GTPBP4: variants seen among roughly 807,000 people sequenced by gnomAD.
GTPBP4 encodes the protein GTP binding protein 4, also known as GTP-binding protein 4.
GTPBP4 carries 15 observed loss-of-function variants against 81.7 expected under a neutral mutation model. The observed-to-expected ratio is 0.18, with a 90% CI of 0.12 to 0.28. The LOEUF is 0.28. GTPBP4 is among the 10% of genes least tolerant of loss of function. GTPBP4 has a pLI of 1.00. For synonymous variants in GTPBP4, 272 were observed against 274.6 expected (o/e 0.99, Z 0.09); for missense variants, 847 against 793.8 (o/e 1.07, Z -0.81).
chr10:1,006,684 TA>T (rs1564469137), intron 9 of GTPBP4, among the ~76,000 whole-genome samples: 1 of 151,616 alleles, frequency 6.6e-6, no homozygotes, highest in Non-Finnish European at 1.5e-5. Flanking sequence ...ACTCAGGATT[TA>T]AAAAGATGGC....
At chr10:988,850 G>T (rs1186450425) in intron 1 of GTPBP4, 4 of 294,138 alleles carry the variant, frequency 1.4e-5, no homozygotes, top group African/African-American at 2.2e-5. Context: ...GGCGAGTGGA[G>T]GGGGACCCCG....
chr10:1,012,131 G>C (rs1831889270), intron 13 of GTPBP4, among the ~76,000 whole-genome samples: 1 of 152,248 alleles, frequency 6.6e-6, no homozygotes, highest in South Asian at 2.1e-4. Flanking sequence ...TCTCAGGACT[G>C]AGTTCCTTGT....
chr10:1,009,088 T>C lies in GTPBP4; in HGVS notation c.1191+53T>C. ...TTCTCATGGGGGGAGGCAGGCTGTG[T>C]GTGCCCATCGTGGGGGCCTGGGGCA... is the stretch of plus-strand genomic sequence containing the variant. On this transcript the variant is annotated intron_variant, in intron 11 of 16. Coordinates refer to ENST00000360803, the MANE Select transcript of GTPBP4 (RefSeq NM_012341.3). 24 of 1,364,940 alleles carry C rather than the reference T, an allele frequency of 1.8e-5. No homozygotes were observed. In the South Asian group the frequency reaches 2.6e-4, roughly 15 times the overall value. 84.6% of individuals were successfully genotyped at this position (1,364,940 alleles called of 1,614,324 possible). A position where few individuals can be genotyped will look rare whatever the true frequency, so the allele number is the denominator to read the frequency against.
chr10:1,006,673 C>T (rs1309937138), intron 9 of GTPBP4, among the ~76,000 whole-genome samples: 1 of 151,680 alleles, frequency 6.6e-6, no homozygotes, highest in African/African-American at 2.4e-5. Context: ...GCCATGGTCG[C>T]ACTCAGGATT....
intron 10 of GTPBP4, among the ~76,000 whole-genome samples, chr10:1,008,671 C>A (rs1831795484): frequency 1.3e-5 from 2 of 152,144 alleles, no homozygotes; most frequent in African/African-American, 4.8e-5. Context: ...ATCATGATTT[C>A]TGTTTTTCCT....
chr10:999,951 C>T (rs958489381), intron 6 of GTPBP4, among the ~76,000 whole-genome samples: 2 of 152,174 alleles, frequency 1.3e-5, no homozygotes, highest in African/African-American at 4.8e-5. Context: ...AGGAGCGAAA[C>T]TCTGTCTCAA....
intron 9 of GTPBP4, 100 bp from the exon 10 acceptor site, chr10:1,006,918 A>T (rs1831748459): frequency 1.3e-6 from 1 of 745,908 alleles, no homozygotes; most frequent in African/African-American, 1.7e-5. Flanking sequence ...CCTTGAGGGA[A>T]AAGGCTCAGT....
chr10:1,007,120 G>C lies in GTPBP4; in HGVS notation c.1105G>C (p.Asp369His). The C allele has an allele frequency of 6.4e-7, 1 of 1,571,250 alleles. No individual in the cohort carries two copies. Among genetic ancestry groups the C allele is most frequent in the Non-Finnish European group, 8.8e-7 (1 of 1,140,712 alleles). ...GCACCTGGCTATCCCAACCAGGAGG[G>C]ACGATAAGGTAAGACGGCCCCTGGG... ...RLHLAIPTRR[D>H]DKERPPFIPE... Residue 369 changes from aspartate (D) to histidine (H), a missense_variant, in exon 10 of 17, where the codon GAC (aspartate) becomes CAC (histidine). This residue lies in a region of GTPBP4 where 600 missense variants were observed against 557.1 expected (regional missense o/e 1.08). Transcript: ENST00000360803.
intron 1 of GTPBP4, among the ~76,000 whole-genome samples, chr10:991,465 T>C (rs998831204): frequency 6.6e-6 from 1 of 152,196 alleles, no homozygotes. Flanking sequence ...TCTCCTCAAA[T>C]AGTTCCCTTC....
At chr10:990,207 T>G (rs1388867886) in intron 1 of GTPBP4, among the ~76,000 whole-genome samples, 1 of 152,134 alleles carries the variant, frequency 6.6e-6, no homozygotes, top group African/African-American at 2.4e-5. Flanking sequence ...TTCTGTTCTG[T>G]GGAGTGAGAT....
rs530955293 is a variant in GTPBP4, at chr10:1,003,551, C to T, written c.913-2267C>T. ...TTATACTTTCTTCTAGAGTGGCTTT[C>T]ATGGAGAGGTTTTCACCTCACTTGG... On this transcript the variant is annotated intron_variant, in intron 8 of 16. Transcript: ENST00000360803. 2.6e-5 allele frequency among the ~76,000 whole-genome samples: 4 copies of T among 152,280 alleles called. No homozygotes were observed. The East Asian group carries it at 7.7e-4, about 29-fold the overall frequency.
intron 10 of GTPBP4, 189 bp downstream of exon 10, chr10:1,007,317 A>G: frequency 1.9e-6 from 1 of 534,112 alleles, no homozygotes; most frequent in East Asian, 2.9e-5. Flanking sequence ...GCCACATGGC[A>G]CCCGTTTCCC....
intron 15 of GTPBP4, among the ~76,000 whole-genome samples, chr10:1,015,381 T>C (rs12254657): frequency 1.9e-5 from 2 of 107,186 alleles, no homozygotes; most frequent in Non-Finnish European, 3.8e-5. Context: ...GGTCCTGAGC[T>C]CTGAGCCTGG....
rs184804980 is a variant in GTPBP4 at position 1,014,198 on chromosome 10, C to T, written c.1543-49C>T. 375 of 1,196,464 alleles carry T rather than the reference C, an allele frequency of 3.1e-4. 2 individuals carry two copies. The East Asian group carries it at 8.8e-3, about 28-fold the overall frequency. The allele number at this position is 1,196,464 out of a possible 1,614,324, so 74.1% of individuals were successfully genotyped here. On this transcript the variant is annotated intron_variant, in intron 14 of 16. Coordinates refer to ENST00000360803, the MANE Select transcript of GTPBP4 (RefSeq NM_012341.3). Reference sequence around the variant, plus strand: ...TATATTGCCTTGAAGTTTTTTTCAACATTTCATCAAACTAATTTAAAGCTA... The same window carrying T: ...TATATTGCCTTGAAGTTTTTTTCAATATTTCATCAAACTAATTTAAAGCTA...
chr10:1,016,075 G>A (rs1831987384), intron 16 of GTPBP4, among the ~76,000 whole-genome samples, 179 bp downstream of exon 16: 1 of 152,212 alleles, frequency 6.6e-6, no homozygotes, highest in African/African-American at 2.4e-5. Flanking sequence ...GCAGGTGGAT[G>A]CCCCTGACAG....
At position 1,015,840 on chromosome 10, in the gene GTPBP4, C is replaced by T. The variant is rs377125996; in HGVS notation, c.1696C>T (p.Arg566Trp). Residue 566 changes from arginine (R) to tryptophan (W), a missense_variant, in exon 16 of 17, where the codon CGG (arginine) becomes TGG (tryptophan). Physicochemically the swap from Arg to Trp is moderately radical, Grantham distance 101. Coordinates refer to ENST00000360803, the MANE Select transcript of GTPBP4 (RefSeq NM_012341.3). Reference sequence around the variant, plus strand: ...CTCTGCTCCCCCGTCCTCTGTGGCCCGGAGTGGGAGTTGCTCTCGAACTCC... The same window carrying T: ...CTCTGCTCCCCCGTCCTCTGTGGCCTGGAGTGGGAGTTGCTCTCGAACTCC... ...EDSAPPSSVA[R>W]SGSCSRTPRD... The T allele has an allele frequency of 1.3e-5, 21 of 1,613,986 alleles. No homozygotes were observed. The highest frequency in any genetic ancestry group is 9.3e-5 in the African/African-American group (7 of 75,060).
intron 9 of GTPBP4, 59 bp from the exon 10 acceptor site, chr10:1,006,959 G>A: frequency 1.9e-6 from 2 of 1,051,310 alleles, no homozygotes; most frequent in East Asian, 2.4e-5. Context: ...CCTGGAACCT[G>A]TAGCTGGAGG....
In GTPBP4 at chr10:1,012,329, C is replaced by A. The variant is rs1470529446; in HGVS notation, c.1345-136C>A. ...GAGGTAAATGGCACATAGGCAGGGC[C>A]CAGGTGGGTCTGGACCAGGGCAATC... On this transcript the variant is annotated intron_variant, in intron 13 of 16. Coordinates refer to ENST00000360803, the MANE Select transcript of GTPBP4 (RefSeq NM_012341.3). 6.6e-6 allele frequency: 4 copies of A among 603,508 alleles called. No homozygotes were observed. In the East Asian group the frequency reaches 1.2e-4, roughly 18 times the overall value. 37.4% of individuals were successfully genotyped at this position (603,508 alleles called of 1,614,324 possible). A position where few individuals can be genotyped will look rare whatever the true frequency, so the allele number is the denominator to read the frequency against.
chr10:988,473 T>C lies in GTPBP4; in HGVS notation c.-7T>C. The C allele has an allele frequency of 6.2e-7, 1 of 1,612,940 alleles. No homozygotes were observed. The highest frequency in any genetic ancestry group is 8.5e-7 in the Non-Finnish European group (1 of 1,179,354). On this transcript the variant is annotated 5_prime_UTR_variant, in exon 1 of 17. Transcript: ENST00000360803. Reference sequence around the variant, plus strand: ...TGCCAAGTACCCGCGTGCATACGGCTGCCGGCATGGCACATTACAACTTCA... The same window carrying C: ...TGCCAAGTACCCGCGTGCATACGGCCGCCGGCATGGCACATTACAACTTCA...
Sources: gnomAD v4.1 joint callset for allele counts (sites outside exome capture counted in the v4.1 genomes callset) on GRCh38, gnomAD v4.1.1 for gene constraint, gnomAD v4.1.1 regional missense constraint, MANE v1.5 for transcripts, NCBI Gene and HGNC (gene_info 2026-07-23, HGNC 2026-07-21) for gene names.